The following TANGO6 variants were observed in gnomAD, a reference collection of about 807,000 sequenced individuals.
TANGO6 encodes the protein transport and golgi organization 6 homolog, also known as transport and Golgi organization protein 6 homolog.
Under a neutral mutation model 114.2 loss-of-function variants are expected in TANGO6, and 90 were observed. That is an observed-to-expected ratio of 0.79 (90% confidence interval 0.66 to 0.94). TANGO6 has a LOEUF of 0.94. Ranked by LOEUF, TANGO6 falls within the 40% of genes least tolerant of loss-of-function variation. The probability of loss-of-function intolerance (pLI) is 0.00; values close to 1 mark genes in which losing one functional copy is unlikely to be tolerated. For synonymous variants in TANGO6, 477 were observed against 509.8 expected (o/e 0.94, Z 0.87); for missense variants, 1,274 against 1,315.3 (o/e 0.97, Z 0.49).
At chr16:69,007,114 G>C (rs1385399738) in intron 15 of TANGO6, 1 of 152,078 alleles carries the variant, frequency 6.6e-6, no homozygotes, top group Non-Finnish European at 1.5e-5. Flanking sequence ...GCTAATCTCT[G>C]TATCATTCCA....
chr16:69,027,849 C>G (rs898003439), intron 16 of TANGO6, among the ~76,000 whole-genome samples: 1 of 151,490 alleles, frequency 6.6e-6, no homozygotes, highest in South Asian at 2.1e-4. Context: ...GGCGTGATCT[C>G]GGATCACTGC....
intron 14 of TANGO6, among the ~76,000 whole-genome samples, chr16:68,964,342 GTCTC>G (rs1280248113): frequency 6.6e-6 from 1 of 151,496 alleles, no homozygotes; most frequent in African/African-American, 2.4e-5. Flanking sequence ...AAAATAGAAA[GTCTC>G]TCTCTCTCAC....
intron 17 of TANGO6, among the ~76,000 whole-genome samples, chr16:69,064,546 G>A (rs1249040258): frequency 6.6e-6 from 1 of 152,218 alleles, no homozygotes; most frequent in African/African-American, 2.4e-5. Flanking sequence ...AACTTTTGAT[G>A]GTGCAGGAGG....
chr16:68,847,514 A>AGAG (rs1439440658), intron 1 of TANGO6, among the ~76,000 whole-genome samples: 2 of 152,108 alleles, frequency 1.3e-5, no homozygotes, highest in African/African-American at 2.4e-5. Context: ...GTTTTAAATC[A>AGAG]CTTTCTTTGT....
rs1376974234 is a variant in TANGO6 at position 68,927,858 on chromosome 16, G to T, written c.2418G>T (p.Gln806His). 1 of 1,613,984 alleles carries T rather than the reference G, an allele frequency of 6.2e-7. No individual in the cohort carries two copies. The highest frequency in any genetic ancestry group is 2.2e-5 in the East Asian group (1 of 44,892). The change falls in exon 13 of 18, where the codon CAG becomes CAT. Residue 806 changes from glutamine (Q) to histidine (H), a missense_variant. Gln to His is a conservative substitution (Grantham distance 24, BLOSUM62 0). Coordinates refer to ENST00000261778, the MANE Select transcript of TANGO6 (RefSeq NM_024562.2). ...EQQQSHETAP[Q>H]TGLQSNAPII... is the part of the protein sequence containing the mutation. ...AGCAGAGCCATGAGACAGCCCCCCAGACAGGCCTGCAGTCAAATGCTCCAA... is the reference window on the plus strand; with the variant it reads ...AGCAGAGCCATGAGACAGCCCCCCATACAGGCCTGCAGTCAAATGCTCCAA...
intron 15 of TANGO6, among the ~76,000 whole-genome samples, chr16:69,021,940 C>T (rs1597061289): frequency 6.8e-6 from 1 of 146,466 alleles, no homozygotes; most frequent in East Asian, 2.0e-4. Flanking sequence ...GGCTGGAGTG[C>T]AGTGGCGCAA....
intron 15 of TANGO6, among the ~76,000 whole-genome samples, chr16:69,007,695 C>T (rs1215129045): frequency 6.6e-6 from 1 of 152,148 alleles, no homozygotes; most frequent in Non-Finnish European, 1.5e-5. Flanking sequence ...TCTCTCGAGT[C>T]ATATGGTAAC....
At chr16:68,962,711 A>T (rs1963605077) in intron 14 of TANGO6, among the ~76,000 whole-genome samples, 1 of 151,846 alleles carries the variant, frequency 6.6e-6, no homozygotes, top group Non-Finnish European at 1.5e-5. Flanking sequence ...TGGTGAGTCA[A>T]GATTGCGCCA....
intron 16 of TANGO6, among the ~76,000 whole-genome samples, chr16:69,038,109 T>C (rs1344605893): frequency 6.6e-6 from 1 of 152,164 alleles, no homozygotes; most frequent in African/African-American, 2.4e-5. Flanking sequence ...CCAAGAAATA[T>C]ATTCACACAG....
At position 69,040,292 on chromosome 16, in the gene TANGO6, T is replaced by G. The variant is rs201844337; in HGVS notation, c.2995-16T>G. ...ACTCTGATTCTTATCAACTTCATCT[T>G]CCTTCATCCTCCTAGGTAACAGCTT... On this transcript the variant is annotated splice_polypyrimidine_tract_variant and intron_variant, in intron 16 of 17. Transcript: ENST00000261778. The G allele has an allele frequency of 7.6e-6, 12 of 1,584,374 alleles. No individual in the cohort carries two copies. Among genetic ancestry groups the G allele is most frequent in the Non-Finnish European group, 1.0e-5 (12 of 1,163,842 alleles).
At chr16:69,063,057 G>A (rs1036899794) in intron 17 of TANGO6, among the ~76,000 whole-genome samples, 4 of 151,838 alleles carry the variant, frequency 2.6e-5, no homozygotes, top group African/African-American at 9.7e-5. Context: ...GTGAAACCCC[G>A]TCTCTACTAA....
At chr16:68,961,335 G>T (rs370466493) in intron 14 of TANGO6, among the ~76,000 whole-genome samples, 4 of 152,218 alleles carry the variant, frequency 2.6e-5, no homozygotes, top group Middle Eastern at 6.3e-3. Context: ...CTGAGCATGC[G>T]GGTTTGCAGT....
At chr16:68,913,562 C>G (rs1962958378) in intron 11 of TANGO6, among the ~76,000 whole-genome samples, 1 of 151,584 alleles carries the variant, frequency 6.6e-6, no homozygotes, top group Non-Finnish European at 1.5e-5. Context: ...GCACCTGACA[C>G]CATGCCTGGC....
At chr16:69,031,978 A>C (rs1316276568) in intron 16 of TANGO6, among the ~76,000 whole-genome samples, 3 of 151,716 alleles carry the variant, frequency 2.0e-5, no homozygotes, top group Admixed American at 2.0e-4. Context: ...GTGACCTTTG[A>C]GCAAAGATAT....
chr16:69,038,813 C>T (rs1043804768), intron 16 of TANGO6, among the ~76,000 whole-genome samples: 5 of 151,966 alleles, frequency 3.3e-5, no homozygotes, highest in East Asian at 1.9e-4. Flanking sequence ...GAGGTGGACG[C>T]GGGCAGATCA....
At chr16:68,932,916 AGGG>A (rs1471959067) in intron 14 of TANGO6, among the ~76,000 whole-genome samples, 2 of 152,240 alleles carry the variant, frequency 1.3e-5, no homozygotes, top group Non-Finnish European at 2.9e-5. Flanking sequence ...ATTAATAAAA[AGGG>A]GGCTTAATAT....
At chr16:68,863,543 G>T (rs1339714309) in intron 3 of TANGO6, among the ~76,000 whole-genome samples, 3 of 152,108 alleles carry the variant, frequency 2.0e-5, no homozygotes, top group Non-Finnish European at 4.4e-5. Flanking sequence ...CTGGGAGGCG[G>T]AGGTTGCAGT....
chr16:69,053,097 C>T (rs896573977), intron 17 of TANGO6, among the ~76,000 whole-genome samples: 4 of 151,954 alleles, frequency 2.6e-5, no homozygotes, highest in Non-Finnish European at 5.9e-5. Flanking sequence ...GGGCGAAACT[C>T]GGTCTCAAAA....
At position 69,015,274 on chromosome 16, in the gene TANGO6, G is replaced by C. The variant is rs16958569; in HGVS notation, c.2843-7554G>C. ...AGGCAGGGGCCCTTTGAGAAATGCA[G>C]AGTGGATGCAGTGAGTGTTCCAGTT... On this transcript the variant is annotated intron_variant, in intron 15 of 17. Transcript: ENST00000261778. Among the ~76,000 whole-genome samples the C allele has an allele frequency of 4.7e-3, 719 of 152,208 alleles. 6 individuals are homozygous for C. The highest frequency in any genetic ancestry group is 0.017 in the African/African-American group (686 of 41,546).
Sources: gnomAD v4.1 joint callset for allele counts (sites outside exome capture counted in the v4.1 genomes callset) on GRCh38, gnomAD v4.1.1 for gene constraint, MANE v1.5 for transcripts, NCBI Gene and HGNC (gene_info 2026-07-23, HGNC 2026-07-21) for gene names.